The following PIK3CG variants were observed in gnomAD, a reference collection of about 807,000 sequenced individuals.
The protein encoded by PIK3CG is phosphatidylinositol 4,5-bisphosphate 3-kinase catalytic subunit gamma isoform.
Under a neutral mutation model 102.3 loss-of-function variants are expected in PIK3CG, and 55 were observed. That is an observed-to-expected ratio of 0.54 (90% CI 0.43 to 0.67). The LOEUF (loss-of-function observed/expected upper bound fraction) is 0.67. Ranked by LOEUF, PIK3CG falls within the 30% of genes least tolerant of loss-of-function variation. PIK3CG has a pLI of 0.00. For missense variants in PIK3CG, 1,258 were observed against 1,391.8 expected, an observed-to-expected ratio of 0.90 and a Z score of 1.53; for synonymous variants, 552 against 540.0, an observed-to-expected ratio of 1.02 and a Z score of -0.31.
rs1790445686 is a variant in PIK3CG at position 106,869,235 on chromosome 7, C to T, written c.1674C>T (p.Ile558=). The change falls in exon 2 of 11, where the codon ATC becomes ATT. Residue 558 remains isoleucine (I), a synonymous_variant. Transcript: ENST00000496166. This position sits in a 1 kb window ranked among gnomAD's most constrained non-coding sequence, Gnocchi z 5.3. ...PNQLRKQLEA[I]IATDPLNPLT... is the part of the protein sequence containing the mutation. ...AGCTTCGCAAGCAATTGGAGGCGAT[C>T]ATAGCCACTGATCCACTTAACCCTC... 1 of 1,614,100 alleles carries T rather than the reference C, an allele frequency of 6.2e-7. No individual in the cohort carries two copies. The highest frequency in any genetic ancestry group is 2.2e-5 in the East Asian group (1 of 44,898).
intron 10 of PIK3CG, among the ~76,000 whole-genome samples, chr7:106,898,217 C>A (rs1436391256): frequency 6.6e-6 from 1 of 151,890 alleles, no homozygotes; most frequent in Non-Finnish European, 1.5e-5. Context: ...TTGCCCACTT[C>A]TTAATGGGAT....
At position 106,869,010 on chromosome 7, in the gene PIK3CG, C is replaced by T. The variant is rs2116455554; in HGVS notation, c.1449C>T (p.His483=). The change falls in exon 2 of 11, where the codon CAC becomes CAT. Residue 483 remains histidine (H), a synonymous_variant. Transcript: ENST00000496166. The surrounding 1 kb of genome is among the most constrained non-coding windows in gnomAD (Gnocchi z 5.3). ...FLLRRGEYVL[H]MWQISGKGED... ...TGCGCCGTGGAGAATACGTCCTCCACATGTGGCAGATATCTGGGAAGGGAG... is the reference window on the plus strand; with the variant it reads ...TGCGCCGTGGAGAATACGTCCTCCATATGTGGCAGATATCTGGGAAGGGAG... The T allele has an allele frequency of 6.2e-7, 1 of 1,614,196 alleles. No individual in the cohort carries two copies. Among genetic ancestry groups the T allele is most frequent in the Non-Finnish European group, 8.5e-7 (1 of 1,180,042 alleles).
chr7:106,881,873 A>G (rs1414904884), intron 6 of PIK3CG, among the ~76,000 whole-genome samples: 1 of 152,098 alleles, frequency 6.6e-6, no homozygotes, highest in African/African-American at 2.4e-5. Context: ...AAAACAAAAC[A>G]AAACAAGAAA....
At chr7:106,886,976 G>C (rs1486172841) in intron 10 of PIK3CG, among the ~76,000 whole-genome samples, 1 of 151,730 alleles carries the variant, frequency 6.6e-6, no homozygotes, top group Admixed American at 6.6e-5. Context: ...AAATACACTA[G>C]ATAGCTGATG....
At chr7:106,901,376 A>T (rs941945675) in intron 10 of PIK3CG, among the ~76,000 whole-genome samples, 3 of 152,000 alleles carry the variant, frequency 2.0e-5, no homozygotes, top group Middle Eastern at 3.4e-3. Context: ...TTAAATTGTG[A>T]AATTCTTATA....
In PIK3CG at chr7:106,880,931, C is replaced by T. The variant is rs1443084841; in HGVS notation, c.2539-1186C>T. On this transcript the variant is annotated intron_variant, in intron 6 of 10. Coordinates refer to ENST00000496166, the MANE Select transcript of PIK3CG (RefSeq NM_001282426.2). This position sits in a 1 kb window ranked among gnomAD's most constrained non-coding sequence, Gnocchi z 4.2. ...GCTCAATGAATCCTCCCACCTCAGCCTCCCACACAACTTTCACAGTCTTCT... is the reference window on the plus strand; with the variant it reads ...GCTCAATGAATCCTCCCACCTCAGCTTCCCACACAACTTTCACAGTCTTCT... Among the ~76,000 whole-genome samples, 3 of 152,152 alleles carry T rather than the reference C, an allele frequency of 2.0e-5. No homozygotes were observed. Among genetic ancestry groups the T allele is most frequent in the African/African-American group, 7.2e-5 (3 of 41,434 alleles).
rs115833670 is a variant in PIK3CG, at chr7:106,877,201, A to C, written c.2392-2318A>C. On this transcript the variant is annotated intron_variant, in intron 5 of 10. Transcript: ENST00000496166. This position sits in a 1 kb window ranked among gnomAD's most constrained non-coding sequence, Gnocchi z 4.5. ...CTACAGAGCGAGACCCTGTTTCAAA[A>C]GAAATGAAAAAGAAATCTATCTAAT... Among the ~76,000 whole-genome samples the C allele has an allele frequency of 7.5e-4, 115 of 152,340 alleles. No homozygotes were observed. The highest frequency in any genetic ancestry group is 2.7e-3 in the African/African-American group (112 of 41,580).
intron 5 of PIK3CG, among the ~76,000 whole-genome samples, chr7:106,875,658 T>G (rs543857894): frequency 1.1e-3 from 163 of 152,320 alleles, no homozygotes; most frequent in African/African-American, 3.8e-3. Flanking sequence ...TGTTATTGTA[T>G]GTATCAGTAA....
intron 9 of PIK3CG, among the ~76,000 whole-genome samples, 186 bp from the exon 10 acceptor site, chr7:106,885,949 G>A (rs1791076438): frequency 1.3e-5 from 2 of 152,144 alleles, no homozygotes; most frequent in Admixed American, 1.3e-4. Flanking sequence ...AACATACTTG[G>A]TTCAAAGAAT....
intron 5 of PIK3CG, among the ~76,000 whole-genome samples, chr7:106,878,165 A>T: frequency 6.6e-6 from 1 of 152,178 alleles, no homozygotes; most frequent in East Asian, 1.9e-4. Flanking sequence ...ATGGAATTCT[A>T]GATTGACTGG....
At position 106,890,438 on chromosome 7, in the gene PIK3CG, C is replaced by T. The variant is rs1791238353; in HGVS notation, c.3030+4146C>T. 6.6e-6 allele frequency among the ~76,000 whole-genome samples: 1 copy of T among 152,202 alleles called. No individual in the cohort carries two copies. The highest frequency in any genetic ancestry group is 6.5e-5 in the Admixed American group (1 of 15,288). On this transcript the variant is annotated intron_variant, in intron 10 of 10. Coordinates refer to ENST00000496166, the MANE Select transcript of PIK3CG (RefSeq NM_001282426.2). The surrounding 1 kb of genome is among the most constrained non-coding windows in gnomAD (Gnocchi z 4.2). ...CCTCGTGATCCGGCTGCCTCAGCCT[C>T]CCAAAGTGCTGGGACTACAGGCGTG... is the stretch of plus-strand genomic sequence containing the variant.
At chr7:106,875,177 C>T (rs187496485) in intron 5 of PIK3CG, among the ~76,000 whole-genome samples, 25 of 152,052 alleles carry the variant, frequency 1.6e-4, no homozygotes, top group Admixed American at 1.0e-3. Context: ...GGTGAAACCC[C>T]GTCTCTACTA....
chr7:106,867,517 T>C lies in PIK3CG; in HGVS notation c.-12-33T>C. The C allele has an allele frequency of 6.6e-7, 1 of 1,513,684 alleles. No individual in the cohort carries two copies. The highest frequency in any genetic ancestry group is 1.3e-5 in the South Asian group (1 of 75,130). 93.8% of individuals were successfully genotyped at this position (1,513,684 alleles called of 1,614,324 possible). On this transcript the variant is annotated intron_variant, in intron 1 of 10. Coordinates refer to ENST00000496166, the MANE Select transcript of PIK3CG (RefSeq NM_001282426.2). This position sits in a 1 kb window ranked among gnomAD's most constrained non-coding sequence, Gnocchi z 5.1. The stretch of plus-strand genomic sequence containing the variant: ...AAAATATAAGGGGAAAGTGCCTTTC[T>C]TGTGACAAATCCCTGTGTCCCTCCG...
intron 5 of PIK3CG, among the ~76,000 whole-genome samples, chr7:106,876,730 T>C (rs1333786462): frequency 6.6e-6 from 1 of 152,186 alleles, no homozygotes; most frequent in Non-Finnish European, 1.5e-5. Context: ...GTTACTTATA[T>C]AAACTGGATA....
chr7:106,905,069 CCATAACAA>C lies in PIK3CG; in HGVS notation c.3031-37_3031-30del. On this transcript the variant is annotated intron_variant, in intron 10 of 10. Transcript: ENST00000496166. This position sits in a 1 kb window ranked among gnomAD's most constrained non-coding sequence, Gnocchi z 5.6. ...TAATCTTCAGCCTACTTGTTAGTTA[CCATAACAA>C]CAGTAACAGCATTTTCTTCTTCTTT... 1 of 1,572,096 alleles carries C rather than the reference CCATAACAA, an allele frequency of 6.4e-7. No homozygotes were observed. The highest frequency in any genetic ancestry group is 8.7e-7 in the Non-Finnish European group (1 of 1,150,274).
chr7:106,877,582 C>G lies in PIK3CG; in HGVS notation c.2392-1937C>G, dbSNP rs1233205092. 6.6e-6 allele frequency among the ~76,000 whole-genome samples: 1 copy of G among 152,000 alleles called. No individual in the cohort carries two copies. Among genetic ancestry groups the G allele is most frequent in the African/African-American group, 2.4e-5 (1 of 41,382 alleles). ...GAGTTCATTTTTAAATATGAATATCCAGATTTTTCAGCACCATGTGTTGAA... is the reference window on the plus strand; with the variant it reads ...GAGTTCATTTTTAAATATGAATATCGAGATTTTTCAGCACCATGTGTTGAA... On this transcript the variant is annotated intron_variant, in intron 5 of 10. Coordinates refer to ENST00000496166, the MANE Select transcript of PIK3CG (RefSeq NM_001282426.2). The surrounding 1 kb of genome is among the most constrained non-coding windows in gnomAD (Gnocchi z 4.5).
intron 10 of PIK3CG, 62 bp downstream of exon 10, chr7:106,886,354 T>G (rs902726532): frequency 6.4e-7 from 1 of 1,551,126 alleles, no homozygotes; most frequent in South Asian, 1.2e-5. Context: ...CCTGCAGCAC[T>G]CCGCAGCCTT....
chr7:106,865,775 CAGTG>C (rs747906022), intron 1 of PIK3CG: 2 of 152,288 alleles, frequency 1.3e-5, no homozygotes, highest in Non-Finnish European at 2.9e-5. Context: ...TGAAGGAAAC[CAGTG>C]AGTATTAGTC....
rs910370501 is a variant in PIK3CG at position 106,892,785 on chromosome 7, T to C, written c.3030+6493T>C. 6.6e-6 allele frequency among the ~76,000 whole-genome samples: 1 copy of C among 152,184 alleles called. No homozygotes were observed. The highest frequency in any genetic ancestry group is 1.5e-5 in the Non-Finnish European group (1 of 68,036). On this transcript the variant is annotated intron_variant, in intron 10 of 10. Transcript: ENST00000496166. The surrounding 1 kb of genome is among the most constrained non-coding windows in gnomAD (Gnocchi z 5.2). Reference sequence around the variant, plus strand: ...GGCTATTCAGAGAAGCATGTGTTTTTCTCAGGCCTTAAGGGATGAATTCAG... The same window carrying C: ...GGCTATTCAGAGAAGCATGTGTTTTCCTCAGGCCTTAAGGGATGAATTCAG...
Sources: allele counts gnomAD v4.1 joint callset (sites outside exome capture counted in the v4.1 genomes callset), GRCh38; gene constraint gnomAD v4.1.1; non-coding constraint Gnocchi (gnomAD v3.1); transcripts MANE v1.5; gene names NCBI Gene and HGNC (gene_info 2026-07-23, HGNC 2026-07-21).